SAP130: variants seen among roughly 807,000 people sequenced by gnomAD.
SAP130 encodes Sin3A associated protein 130, also known as histone deacetylase complex subunit SAP130.
Under a neutral mutation model 103.2 loss-of-function variants are expected in SAP130, and 16 were observed. That is an observed-to-expected ratio of 0.16 (90% confidence interval 0.10 to 0.24). SAP130 has a LOEUF of 0.24. SAP130 is among the 10% of genes least tolerant of loss of function. SAP130 has a pLI of 1.00. For synonymous variants in SAP130, 477 were observed against 497.0 expected, an observed-to-expected ratio of 0.96 and a Z score of 0.53; for missense variants, 990 against 1,359.7, an observed-to-expected ratio of 0.73 and a Z score of 4.28.
At position 128,026,159 on chromosome 2, in the gene SAP130, A is replaced by G. The variant is rs551544008; in HGVS notation, c.112+22T>C. On this transcript the variant is annotated intron_variant, in intron 2 of 20. Transcript: ENST00000643581. Reference sequence around the variant, plus strand: ...ATATTCTTAAAGTAGGAAAAAATATATTAGAATATTACATATCTCACCTGT... The same window carrying G: ...ATATTCTTAAAGTAGGAAAAAATATGTTAGAATATTACATATCTCACCTGT... 8.8e-6 allele frequency: 13 copies of G among 1,468,948 alleles called. No individual in the cohort carries two copies. The South Asian group carries it at 1.1e-4, about 12-fold the overall frequency. 91.0% of individuals were successfully genotyped at this position (1,468,948 alleles called of 1,614,324 possible). A position where few individuals can be genotyped will look rare whatever the true frequency, so the allele number is the denominator to read the frequency against.
rs548583779 is a variant in SAP130 at position 127,950,243 on chromosome 2, T to G, written c.2588A>C (p.Asn863Thr). 1 of 1,614,224 alleles carries G rather than the reference T, an allele frequency of 6.2e-7. No individual in the cohort carries two copies. The highest frequency in any genetic ancestry group is 1.1e-5 in the South Asian group (1 of 91,092). ...AGTGGACTTCTCATCATCAGTGCTG[T>G]TTGTCTCCATCATGTCACCTTCTTC... is the stretch of plus-strand genomic sequence containing the variant. ...STEEGDMMET[N>T]STDDEKSTAK... Residue 863 changes from asparagine (N) to threonine (T), a missense_variant, in exon 17 of 21, where the codon AAC becomes ACC. Physicochemically the swap from Asn to Thr is moderately conservative, Grantham distance 65. Around this residue, in one of 6 missense-constraint regions of SAP130, gnomAD observed 8 missense variants for 28.6 expected, o/e 0.28. Coordinates refer to ENST00000643581, the MANE Select transcript of SAP130 (RefSeq NM_001330301.2).
intron 15 of SAP130, among the ~76,000 whole-genome samples, chr2:127,967,431 G>A (rs768953049): frequency 1.3e-5 from 2 of 152,172 alleles, no homozygotes; most frequent in Admixed American, 6.5e-5. Context: ...ACGGAGTCTC[G>A]CTCTGTTGCC....
intron 15 of SAP130, among the ~76,000 whole-genome samples, chr2:127,972,730 C>T (rs1194112115): frequency 6.6e-6 from 1 of 151,988 alleles, no homozygotes; most frequent in Non-Finnish European, 1.5e-5. Context: ...TGCACTCCAG[C>T]CTGGGCAACA....
At chr2:127,978,207 A>C in intron 14 of SAP130, 118 bp from the exon 15 acceptor site, 1 of 681,638 alleles carries the variant, frequency 1.5e-6, no homozygotes, top group Non-Finnish European at 2.5e-6. Context: ...TACATTGACT[A>C]AGTATTTTTA....
chr2:128,009,792 A>G (rs758141976), intron 7 of SAP130, among the ~76,000 whole-genome samples: 1 of 152,202 alleles, frequency 6.6e-6, no homozygotes, highest in Non-Finnish European at 1.5e-5. Context: ...GGTGGTCCTT[A>G]TAAGTGGCAA....
chr2:127,954,878 T>A, intron 16 of SAP130, 108 bp downstream of exon 16: 1 of 814,858 alleles, frequency 1.2e-6, no homozygotes. Context: ...TAAAATGGGT[T>A]ATCAGGGAGT....
At chr2:127,997,600 G>A (rs1683259500) in intron 10 of SAP130, among the ~76,000 whole-genome samples, 2 of 152,228 alleles carry the variant, frequency 1.3e-5, no homozygotes, top group African/African-American at 4.8e-5. Flanking sequence ...GCAAAGAGAA[G>A]TTGGCATGAT....
At chr2:128,003,045 T>A (rs1187305758) in intron 7 of SAP130, among the ~76,000 whole-genome samples, 1 of 151,578 alleles carries the variant, frequency 6.6e-6, no homozygotes, top group Non-Finnish European at 1.5e-5. Flanking sequence ...GAGGATCGCT[T>A]GAGAGCCCAG....
At chr2:127,981,964 C>T (rs1488070646) in intron 14 of SAP130, among the ~76,000 whole-genome samples, 1 of 152,204 alleles carries the variant, frequency 6.6e-6, no homozygotes, top group Non-Finnish European at 1.5e-5. Flanking sequence ...GCTTGCTTGC[C>T]TGACTTTGGG....
chr2:127,994,357 G>C (rs1334299618), intron 11 of SAP130, among the ~76,000 whole-genome samples: 4 of 152,188 alleles, frequency 2.6e-5, no homozygotes, highest in Non-Finnish European at 5.9e-5. Context: ...CTGGGAGGCT[G>C]AGGCAGGCAG....
intron 15 of SAP130, among the ~76,000 whole-genome samples, chr2:127,956,702 TA>T (rs55931869): frequency 0.8 from 89,650 of 111,668 alleles, 36,172 homozygotes; most frequent in East Asian, 0.92. Context: ...TAAAGTATAA[TA>T]AAAAAAAAAA....
chr2:127,963,939 A>G (rs1424179708), intron 15 of SAP130, among the ~76,000 whole-genome samples: 2 of 152,136 alleles, frequency 1.3e-5, no homozygotes, highest in South Asian at 2.1e-4. Context: ...CTCCTTTTTA[A>G]TTTTTTTATG....
Position 127,978,091 on chromosome 2 carries a change from T to C in SAP130, c.1959-2A>G. The C allele has an allele frequency of 1.3e-6, 2 of 1,550,700 alleles. No individual in the cohort carries two copies. The highest frequency in any genetic ancestry group is 1.7e-6 in the Non-Finnish European group (2 of 1,146,104). ...ATGAGGGTTTTCCGAACTGCCATTC[T>C]GAAAGAGACAAGAGACAAACCCGGA... On this transcript the variant is annotated splice_acceptor_variant, in intron 14 of 20. Coordinates refer to ENST00000643581, the MANE Select transcript of SAP130 (RefSeq NM_001330301.2). LOFTEE classifies it high-confidence loss of function.
At chr2:128,018,832 C>T (rs1573851324) in intron 2 of SAP130, among the ~76,000 whole-genome samples, 1 of 150,532 alleles carries the variant, frequency 6.6e-6, no homozygotes, top group African/African-American at 2.4e-5. Flanking sequence ...GGGCTGAGCA[C>T]AGCCTGTAAT....
intron 14 of SAP130, among the ~76,000 whole-genome samples, chr2:127,978,376 C>T (rs1444593341): frequency 1.3e-5 from 2 of 152,130 alleles, no homozygotes; most frequent in East Asian, 3.8e-4. Flanking sequence ...CTTTTAGCCG[C>T]TGCTTCTAGC....
In SAP130 at chr2:127,977,988, G is replaced by C. The variant is rs1254489705; in HGVS notation, c.2060C>G (p.Ala687Gly). ...MRSTSGSPRP[A>G]GAKPKSEIHV... ...CGAAGAACACTTAGGTGCTCACCCT[G>C]CAGGCCTAGGTGACCCAGACGTACT... is the stretch of plus-strand genomic sequence containing the variant. Residue 687 changes from alanine to glycine, a missense_variant, in exon 15 of 21, where the codon GCA (alanine) becomes GGA (glycine). Around this residue, in one of 6 missense-constraint regions of SAP130, gnomAD observed 349 missense variants for 384.1 expected, o/e 0.91. Coordinates refer to ENST00000643581, the MANE Select transcript of SAP130 (RefSeq NM_001330301.2). 1 of 1,550,184 alleles carries C rather than the reference G, an allele frequency of 6.5e-7. No homozygotes were observed. Among genetic ancestry groups the C allele is most frequent in the Non-Finnish European group, 8.7e-7 (1 of 1,145,272 alleles).
intron 7 of SAP130, among the ~76,000 whole-genome samples, chr2:128,007,590 A>G (rs2105142258): frequency 6.6e-6 from 1 of 152,312 alleles, no homozygotes; most frequent in East Asian, 1.9e-4. Context: ...GTCTCTTTGT[A>G]CCTCAGGCAA....
chr2:127,956,631 G>T (rs1332503490), intron 15 of SAP130, among the ~76,000 whole-genome samples: 1 of 148,050 alleles, frequency 6.8e-6, no homozygotes, highest in Non-Finnish European at 1.5e-5. Flanking sequence ...GCAGCACACC[G>T]ACATGGCGCA....
At chr2:128,017,614 A>G (rs72973334) in intron 3 of SAP130, 66 bp downstream of exon 3, 1 of 1,354,278 alleles carries the variant, frequency 7.4e-7, no homozygotes, top group African/African-American at 1.4e-5. Context: ...ATTTTATACA[A>G]ATTGTTACAA....
Sources: gnomAD v4.1 joint callset for allele counts (sites outside exome capture counted in the v4.1 genomes callset) on GRCh38, gnomAD v4.1.1 for gene constraint, gnomAD v4.1.1 regional missense constraint, MANE v1.5 for transcripts, NCBI Gene and HGNC (gene_info 2026-07-23, HGNC 2026-07-21) for gene names.